Variants in RFC2 observed in about 807,000 individuals in gnomAD.
RFC2 encodes A1 40 kDa subunit.
In RFC2, 34 loss-of-function variants were observed where a neutral mutation model predicts 44.8. The ratio of observed to expected loss-of-function variants is 0.76; its 90% CI spans 0.58 to 1.01. RFC2 has a LOEUF of 1.01. Among genes scored for constraint, RFC2 ranks in the 50% least tolerant of loss-of-function variants. RFC2 has a pLI of 0.00. For missense variants in RFC2, 400 were observed against 453.6 expected, an observed-to-expected ratio of 0.88 and a Z score of 1.07; for synonymous variants, 177 against 168.9, an observed-to-expected ratio of 1.05 and a Z score of -0.37.
At chr7:74,249,395 G>A (rs1803804312) in intron 3 of RFC2, among the ~76,000 whole-genome samples, 1 of 152,092 alleles carries the variant, frequency 6.6e-6, no homozygotes, top group Non-Finnish European at 1.5e-5. Flanking sequence ...ACAAAACTTA[G>A]CTGGGCGTGA....
intron 3 of RFC2, 195 bp from the exon 4 acceptor site, chr7:74,249,313 G>A: frequency 1.1e-6 from 1 of 931,280 alleles, no homozygotes; most frequent in Non-Finnish European, 1.6e-6. Context: ...GGCCAAGGCG[G>A]GCAGATCACC....
At position 74,252,485 on chromosome 7, in the gene RFC2, T is replaced by C. The variant is rs1554721319; in HGVS notation, c.127A>G (p.Arg43Gly). 1.2e-6 allele frequency: 2 copies of C among 1,601,344 alleles called. No individual in the cohort carries two copies. Among genetic ancestry groups the C allele is most frequent in the Admixed American group, 3.3e-5 (2 of 59,946 alleles). The change falls in exon 2 of 11, where the codon AGG becomes GGG. Residue 43 changes from arginine to glycine, a missense_variant. By Grantham distance (125) the Arg-to-Gly change is moderately radical. Transcript: ENST00000055077. ...ACAATTTCATTCAGCTTTACTGGCC[T>C]ATATTTTTCAACCCTGTTAAGAAAA... ...HYELPWVEKY[R>G]PVKLNEIVGN... is the part of the protein sequence containing the mutation.
chr7:74,248,323 A>C (rs1554720428), intron 4 of RFC2, among the ~76,000 whole-genome samples: 1 of 151,896 alleles, frequency 6.6e-6, no homozygotes, highest in Non-Finnish European at 1.5e-5. Context: ...TGGGCAACAT[A>C]GTGAGATCCC....
chr7:74,239,857 C>G, intron 7 of RFC2, 81 bp downstream of exon 7: 2 of 1,314,046 alleles, frequency 1.5e-6, no homozygotes, highest in Non-Finnish European at 2.1e-6. Flanking sequence ...CCTTGTGCAG[C>G]TGTCACTTCC....
At position 74,238,873 on chromosome 7, in the gene RFC2, C is replaced by G; in HGVS notation, c.759+50G>C. The G allele has an allele frequency of 6.7e-7, 1 of 1,495,936 alleles. No individual in the cohort carries two copies. The highest frequency in any genetic ancestry group is 1.1e-5 in the South Asian group (1 of 88,588). The allele number at this position is 1,495,936 out of a possible 1,614,324, so 92.7% of individuals were successfully genotyped here. ...AGCCCTTCAGCCCCACTGGCCCCCA[C>G]AGGGAAGCACGGCTTCTGCTGACAG... On this transcript the variant is annotated intron_variant, in intron 8 of 10. Coordinates refer to ENST00000055077, the MANE Select transcript of RFC2 (RefSeq NM_181471.3). The surrounding 1 kb of genome is among the most constrained non-coding windows in gnomAD (Gnocchi z 4.0).
At position 74,240,807 on chromosome 7, in the gene RFC2, T is replaced by C. The variant is rs149734324; in HGVS notation, c.536-712A>G. On this transcript the variant is annotated intron_variant, in intron 6 of 10. Transcript: ENST00000055077. ...GGCCAACCCAGTTTCTTTCTTTTTTTTTCATAGACAGGGTTTTGCTGTTGC... is the reference window on the plus strand; with the variant it reads ...GGCCAACCCAGTTTCTTTCTTTTTTCTTCATAGACAGGGTTTTGCTGTTGC... Among the ~76,000 whole-genome samples, 31 of 152,332 alleles carry C rather than the reference T, an allele frequency of 2.0e-4. 1 individual carries two copies. Among genetic ancestry groups the C allele is most frequent in the African/African-American group, 5.8e-4 (24 of 41,572 alleles).
chr7:74,246,195 C>CAA (rs1179826046), intron 5 of RFC2, among the ~76,000 whole-genome samples: 1 of 143,970 alleles, frequency 6.9e-6, no homozygotes, highest in African/African-American at 2.6e-5. Context: ...GACTCTGTCT[C>CAA]AAAAAAAAAA....
At chr7:74,249,311 C>CA in intron 3 of RFC2, 193 bp from the exon 4 acceptor site, 1 of 948,732 alleles carries the variant, frequency 1.1e-6, no homozygotes, top group Non-Finnish European at 1.6e-6. Flanking sequence ...GAGGCCAAGG[C>CA]GGGCAGATCA....
At chr7:74,246,627 A>C in intron 5 of RFC2, 35 bp downstream of exon 5, 1 of 1,364,482 alleles carries the variant, frequency 7.3e-7, no homozygotes, top group Non-Finnish European at 1.0e-6. Flanking sequence ...AGATTTAGAG[A>C]TCAAGGTCAA....
At chr7:74,233,825 T>C (rs548771713) in intron 10 of RFC2, 628 of 456,512 alleles carry the variant, frequency 1.4e-3, no homozygotes, top group Non-Finnish European at 2.5e-3. Context: ...GGTGGCTAGG[T>C]TGAGGATCCT....
intron 6 of RFC2, among the ~76,000 whole-genome samples, chr7:74,242,585 C>T (rs1380047528): frequency 6.6e-6 from 1 of 151,794 alleles, no homozygotes; most frequent in Non-Finnish European, 1.5e-5. Flanking sequence ...TTGGCCCATG[C>T]TACACAATAA....
At chr7:74,246,024 T>G (rs1200400991) in intron 5 of RFC2, among the ~76,000 whole-genome samples, 4 of 151,256 alleles carry the variant, frequency 2.6e-5, no homozygotes, top group Non-Finnish European at 5.9e-5. Context: ...GTGAAACCCC[T>G]TCTCTACTAA....
At chr7:74,239,064 T>A in intron 7 of RFC2, 76 bp from the exon 8 acceptor site, 2 of 1,215,776 alleles carry the variant, frequency 1.6e-6, no homozygotes, top group Non-Finnish European at 2.4e-6. Context: ...AGTCTCGCTA[T>A]GTTGCCCAGG....
chr7:74,237,038 T>A (rs555986012), intron 9 of RFC2, among the ~76,000 whole-genome samples: 1 of 152,002 alleles, frequency 6.6e-6, no homozygotes, highest in Admixed American at 6.6e-5. Context: ...AGTTTTCTCA[T>A]CAGTAAAGTG....
chr7:74,236,569 G>T (rs974046181), intron 9 of RFC2, among the ~76,000 whole-genome samples: 4 of 152,160 alleles, frequency 2.6e-5, no homozygotes, highest in Non-Finnish European at 4.4e-5. Context: ...TGTGAGGCTA[G>T]AATCTTCCTG....
intron 4 of RFC2, 138 bp from the exon 5 acceptor site, chr7:74,246,901 CTATT>C (rs1347829664): frequency 6.1e-6 from 3 of 495,242 alleles, no homozygotes; most frequent in Non-Finnish European, 1.1e-5. Context: ...GCAATTGTAA[CTATT>C]TATAAGGATT....
At chr7:74,240,180 C>T in intron 6 of RFC2, 85 bp from the exon 7 acceptor site, 3 of 1,231,928 alleles carry the variant, frequency 2.4e-6, no homozygotes, top group Non-Finnish European at 3.5e-6. Flanking sequence ...GCTGCAGCTG[C>T]ACAATCCACA....
chr7:74,231,612 G>T lies in RFC2; in HGVS notation c.*494C>A, dbSNP rs558607419. 1 of 154,808 alleles carries T rather than the reference G, an allele frequency of 6.5e-6. No individual in the cohort carries two copies. Among genetic ancestry groups the T allele is most frequent in the Non-Finnish European group, 1.4e-5 (1 of 69,504 alleles). 9.6% of individuals were successfully genotyped at this position (154,808 alleles called of 1,614,324 possible). ...TCCGCCCCGTCACCGCATCAATGGG[G>T]TGGAGGCCAAACTCAAACACTTGCG... On this transcript the variant is annotated 3_prime_UTR_variant, in exon 11 of 11. Coordinates refer to ENST00000055077, the MANE Select transcript of RFC2 (RefSeq NM_181471.3).
chr7:74,248,662 C>G (rs1303302901), intron 4 of RFC2, among the ~76,000 whole-genome samples: 2 of 151,966 alleles, frequency 1.3e-5, no homozygotes, highest in Admixed American at 6.6e-5. Flanking sequence ...GCACCACGCC[C>G]AGCTAAGTTT....
Sources: allele counts gnomAD v4.1 joint callset (sites outside exome capture counted in the v4.1 genomes callset), GRCh38; gene constraint gnomAD v4.1.1; non-coding constraint Gnocchi (gnomAD v3.1); transcripts MANE v1.5; gene names NCBI Gene and HGNC (gene_info 2026-07-23, HGNC 2026-07-21).